The following MTREX variants were observed in gnomAD, a reference collection of about 807,000 sequenced individuals.
MTREX encodes the protein exosome RNA helicase MTR4.
A neutral mutation model predicts 135.4 loss-of-function variants in MTREX; 76 were observed. The observed-to-expected ratio is 0.56, with a 90% CI of 0.47 to 0.68. The LOEUF is 0.68. Ranked by LOEUF, MTREX falls within the 30% of genes least tolerant of loss-of-function variation. The pLI is 0.00. For synonymous variants in MTREX, 404 were observed against 401.6 expected (o/e 1.01, Z -0.07); for missense variants, 920 against 1,262.1 (o/e 0.73, Z 4.11).
At chr5:55,369,915 CTTT>C (rs60011222) in intron 16 of MTREX, among the ~76,000 whole-genome samples, 2 of 141,424 alleles carry the variant, frequency 1.4e-5, no homozygotes, top group Non-Finnish European at 3.1e-5. Context: ...TTTCTTTTTT[CTTT>C]TTTTTTTTTT....
chr5:55,388,802 A>G (rs1436661117), intron 19 of MTREX, among the ~76,000 whole-genome samples: 1 of 152,172 alleles, frequency 6.6e-6, no homozygotes, highest in African/African-American at 2.4e-5. Flanking sequence ...TTTCTACCCA[A>G]GTTTCCTTAG....
chr5:55,335,645 C>A lies in MTREX; in HGVS notation c.516-4365C>A, dbSNP rs1327296813. 3.3e-5 allele frequency among the ~76,000 whole-genome samples: 5 copies of A among 152,010 alleles called. No individual in the cohort carries two copies. In the South Asian group the frequency reaches 1.0e-3, roughly 32 times the overall value. ...ACTTTGTTATATCTTTACACTAGTA[C>A]ACTATTTTGATTACTGTGGGGTTAT... is the stretch of plus-strand genomic sequence containing the variant. On this transcript the variant is annotated intron_variant, in intron 5 of 26. Transcript: ENST00000230640.
chr5:55,365,241 T>C (rs574808810), intron 15 of MTREX, among the ~76,000 whole-genome samples: 1 of 152,306 alleles, frequency 6.6e-6, no homozygotes, highest in African/African-American at 2.4e-5. Context: ...AATTATAAAG[T>C]AGATGAAGTT....
In MTREX at chr5:55,405,566, C is replaced by G; in HGVS notation, c.2623C>G (p.Arg875Gly). ...TTCTGATGTAATAGAGATGAAAGGACGAGTGGCTTGTGAGATAAGCAGGTA... is the reference window on the plus strand; with the variant it reads ...TTCTGATGTAATAGAGATGAAAGGAGGAGTGGCTTGTGAGATAAGCAGGTA... ...TSSDVIEMKG[R>G]VACEISSADE... is the part of the protein sequence containing the mutation. The change falls in exon 22 of 27, where the codon CGA becomes GGA. Residue 875 changes from arginine to glycine, a missense_variant. Physicochemically the swap from Arg to Gly is moderately radical, Grantham distance 125. This residue lies in a region of MTREX where 467 missense variants were observed against 589.7 expected (regional missense o/e 0.79). Transcript: ENST00000230640. The G allele has an allele frequency of 6.2e-7, 1 of 1,612,422 alleles. No individual in the cohort carries two copies. Among genetic ancestry groups the G allele is most frequent in the Non-Finnish European group, 8.5e-7 (1 of 1,179,024 alleles).
At chr5:55,390,230 G>A (rs1402970723) in intron 19 of MTREX, among the ~76,000 whole-genome samples, 1 of 152,048 alleles carries the variant, frequency 6.6e-6, no homozygotes, top group Non-Finnish European at 1.5e-5. Flanking sequence ...AACCTCCCGA[G>A]TAGCTGGGAC....
At chr5:55,424,668 G>C in intron 26 of MTREX, 52 bp from the exon 27 acceptor site, 1 of 1,347,230 alleles carries the variant, frequency 7.4e-7, no homozygotes, top group Non-Finnish European at 1.1e-6. Context: ...GTAGAGGCAA[G>C]TTAGGTGTTT....
chr5:55,422,324 G>A (rs866267729), intron 25 of MTREX, among the ~76,000 whole-genome samples: 6 of 152,172 alleles, frequency 3.9e-5, no homozygotes, highest in Admixed American at 3.3e-4. Flanking sequence ...TGTAAAGAAC[G>A]TACTAATGAA....
intron 6 of MTREX, 22 bp from the exon 7 acceptor site, chr5:55,341,659 C>T (rs1749651109): frequency 1.5e-6 from 2 of 1,369,528 alleles, no homozygotes; most frequent in Admixed American, 1.9e-5. Flanking sequence ...CAACTAAATA[C>T]ATTTTTTACT....
At chr5:55,389,008 T>C (rs1750523394) in intron 19 of MTREX, among the ~76,000 whole-genome samples, 2 of 152,200 alleles carry the variant, frequency 1.3e-5, no homozygotes, top group Non-Finnish European at 2.9e-5. Context: ...TTGGCAGTAT[T>C]TTTAAAAAGA....
Position 55,422,904 on chromosome 5 carries a change from C to T in MTREX, c.2998C>T (p.Leu1000=). Residue 1000 remains leucine (L), a synonymous_variant, in exon 26 of 27, where the codon CTG becomes TTG. Transcript: ENST00000230640. The part of the protein sequence containing the change: ...EGSIIRCMRR[L]EELLRQMCQA... Reference sequence around the variant, plus strand: ...CAGCATAATTCGTTGTATGAGGCGCCTGGAAGAATTGCTTCGACAAATGTG... The same window carrying T: ...CAGCATAATTCGTTGTATGAGGCGCTTGGAAGAATTGCTTCGACAAATGTG... The T allele has an allele frequency of 6.2e-7, 1 of 1,613,848 alleles. No individual in the cohort carries two copies. The highest frequency in any genetic ancestry group is 2.2e-5 in the East Asian group (1 of 44,870).
intron 19 of MTREX, among the ~76,000 whole-genome samples, chr5:55,392,474 T>C (rs1000582992): frequency 6.8e-6 from 1 of 146,314 alleles, no homozygotes; most frequent in African/African-American, 2.6e-5. Context: ...ACCCAGGAGG[T>C]AGAGGTTGCA....
chr5:55,415,883 C>T (rs1750958574), intron 24 of MTREX, 87 bp from the exon 25 acceptor site: 2 of 891,812 alleles, frequency 2.2e-6, no homozygotes, highest in Non-Finnish European at 3.3e-6. Context: ...GAAAAAGGGA[C>T]CTCCTGGAAT....
intron 21 of MTREX, among the ~76,000 whole-genome samples, chr5:55,404,653 T>A (rs184783719): frequency 5.3e-4 from 81 of 152,310 alleles, no homozygotes; most frequent in Admixed American, 7.2e-4. Context: ...GAATCCTGTC[T>A]TGGGAGAGCC....
In MTREX at chr5:55,328,687, T is replaced by C. The variant is rs754936915; in HGVS notation, c.403-12T>C. On this transcript the variant is annotated splice_polypyrimidine_tract_variant and intron_variant, in intron 4 of 26. Transcript: ENST00000230640. ...ATGTTTTTATGCAGATATTAATGTT[T>C]TGTTTTTATAGGAATACCCGTTCAT... The C allele has an allele frequency of 3.7e-5, 58 of 1,571,672 alleles. No individual in the cohort carries two copies. The Admixed American group carries it at 9.4e-4, about 25-fold the overall frequency.
chr5:55,311,053 A>G (rs905253059), intron 1 of MTREX, among the ~76,000 whole-genome samples: 1 of 152,156 alleles, frequency 6.6e-6, no homozygotes. Flanking sequence ...AAGTGTTGGG[A>G]TTCCAGATGT....
Position 55,394,926 on chromosome 5 carries a change from G to A in MTREX, c.2182-2490G>A, listed in dbSNP as rs553975732. ...CAGGTGCCTGTAGTCCCAGCTACTC[G>A]GGAGGCTGAGGCAGTTGAATCACTT... is the stretch of plus-strand genomic sequence containing the variant. On this transcript the variant is annotated intron_variant, in intron 19 of 26. Coordinates refer to ENST00000230640, the MANE Select transcript of MTREX (RefSeq NM_015360.5). 1.7e-4 allele frequency among the ~76,000 whole-genome samples: 25 copies of A among 151,338 alleles called. No individual in the cohort carries two copies. The East Asian group carries it at 4.9e-3, about 30-fold the overall frequency.
rs767580306 is a variant in MTREX, at chr5:55,324,294, A to G, written c.339+96A>G. Reference sequence around the variant, plus strand: ...ATCAGCAAACAGTTTAGCCATGAGGACCTTGGAAACAATAAATAGTTTCCA... The same window carrying G: ...ATCAGCAAACAGTTTAGCCATGAGGGCCTTGGAAACAATAAATAGTTTCCA... On this transcript the variant is annotated intron_variant, in intron 3 of 26. Transcript: ENST00000230640. 23 of 765,240 alleles carry G rather than the reference A, an allele frequency of 3.0e-5. No individual in the cohort carries two copies. In the South Asian group the frequency reaches 3.4e-4, roughly 11 times the overall value. The allele number at this position is 765,240 out of a possible 1,614,324, so 47.4% of individuals were successfully genotyped here. A position where few individuals can be genotyped will look rare whatever the true frequency, so the allele number is the denominator to read the frequency against.
chr5:55,402,976 C>G (rs1304786226), intron 21 of MTREX, among the ~76,000 whole-genome samples: 2 of 151,440 alleles, frequency 1.3e-5, no homozygotes, highest in Non-Finnish European at 2.9e-5. Flanking sequence ...GCGGGAAGAT[C>G]ACTTGAAGCC....
At position 55,338,786 on chromosome 5, in the gene MTREX, C is replaced by CTTTTTTTTTTTTTTTTTTTT. The variant is rs67612518; in HGVS notation, c.516-1221_516-1202dup. On this transcript the variant is annotated intron_variant, in intron 5 of 26. Transcript: ENST00000230640. ...TTGTTAATCTGTAGACTTTCTTTTT[C>CTTTTTTTTTTTTTTTTTTTT]TTTTTTTTTTTTTTTTTTTTTTGAG... is the stretch of plus-strand genomic sequence containing the variant. 2.2e-4 allele frequency among the ~76,000 whole-genome samples: 20 copies of CTTTTTTTTTTTTTTTTTTTT among 92,258 alleles called. 1 individual carries two copies. Among genetic ancestry groups the CTTTTTTTTTTTTTTTTTTTT allele is most frequent in the African/African-American group, 8.7e-4 (19 of 21,756 alleles). The allele number at this position is 92,258 out of a possible 152,430, so 60.5% of individuals were successfully genotyped here.
Sources: allele counts gnomAD v4.1 joint callset (sites outside exome capture counted in the v4.1 genomes callset), GRCh38; gene constraint gnomAD v4.1.1; regional missense constraint gnomAD v4.1.1; transcripts MANE v1.5; gene names NCBI Gene and HGNC (gene_info 2026-07-23, HGNC 2026-07-21).